DST: variants seen among roughly 807,000 people sequenced by gnomAD.
DST encodes the protein bullous pemphigoid antigen.
A neutral mutation model predicts 875.2 loss-of-function variants in DST; 253 were observed. That is an observed-to-expected ratio of 0.29 (90% CI 0.26 to 0.32). DST has a LOEUF of 0.32. Among genes scored for constraint, DST ranks in the 10% least tolerant of loss-of-function variants. The probability of loss-of-function intolerance (pLI) is 1.00; values close to 1 mark genes in which losing one functional copy is unlikely to be tolerated. For synonymous variants in DST, 3,124 were observed against 3,197.1 expected, an observed-to-expected ratio of 0.98 and a Z score of 0.77; for missense variants, 8,287 against 9,111.6, an observed-to-expected ratio of 0.91 and a Z score of 3.68.
At chr6:56,620,716 C>A in intron 36 of DST, 1 of 1,612,248 alleles carries the variant, frequency 6.2e-7, no homozygotes, top group Non-Finnish European at 8.5e-7. Context: ...ACCTTTTAAT[C>A]TACAAAAGAC....
At chr6:56,803,106 C>CA (rs1356541997) in intron 4 of DST, among the ~76,000 whole-genome samples, 1 of 152,134 alleles carries the variant, frequency 6.6e-6, no homozygotes, top group African/African-American at 2.4e-5. Flanking sequence ...TTGATTCTCA[C>CA]AAAAATCAGG....
At chr6:56,803,321 T>G (rs1161268136) in intron 4 of DST, among the ~76,000 whole-genome samples, 1 of 152,372 alleles carries the variant, frequency 6.6e-6, no homozygotes, top group South Asian at 2.1e-4. Context: ...GCAATCTTAC[T>G]TGGTAACTTT....
At chr6:56,704,507 CT>C in intron 5 of DST, 138 bp from the exon 6 acceptor site, 1 of 516,106 alleles carries the variant, frequency 1.9e-6, no homozygotes, top group South Asian at 3.0e-5. Context: ...TTTTAAAATG[CT>C]TATTACTTAA....
At chr6:56,618,844 C>G in intron 36 of DST, 1 of 1,614,126 alleles carries the variant, frequency 6.2e-7, no homozygotes, top group Non-Finnish European at 8.5e-7. Flanking sequence ...GGGTCATCTG[C>G]TCCTCTATGG....
At chr6:56,921,373 G>T (rs1277592435) in intron 2 of DST, among the ~76,000 whole-genome samples, 1 of 152,122 alleles carries the variant, frequency 6.6e-6, no homozygotes, top group Non-Finnish European at 1.5e-5. Context: ...AAGAAAATCA[G>T]TTGACATCAA....
intron 36 of DST, among the ~76,000 whole-genome samples, chr6:56,623,591 C>T (rs2098708933): frequency 6.6e-6 from 1 of 152,178 alleles, no homozygotes; most frequent in Non-Finnish European, 1.5e-5. Context: ...GAGAAAGTAA[C>T]ATCCAATAGA....
At chr6:56,940,633 G>A (rs1816055887) in intron 2 of DST, among the ~76,000 whole-genome samples, 1 of 151,760 alleles carries the variant, frequency 6.6e-6, no homozygotes, top group South Asian at 2.1e-4. Flanking sequence ...AGGGCGGAGT[G>A]CAGTGGCGCA....
At chr6:56,654,754 A>G (rs549351314) in intron 10 of DST, among the ~76,000 whole-genome samples, 1 of 152,228 alleles carries the variant, frequency 6.6e-6, no homozygotes, top group East Asian at 1.9e-4. Context: ...TTTTTTTGGC[A>G]TAGATACCTC....
intron 3 of DST, among the ~76,000 whole-genome samples, chr6:56,883,067 C>T (rs1326040707): frequency 6.6e-6 from 1 of 152,156 alleles, no homozygotes; most frequent in Non-Finnish European, 1.5e-5. Context: ...GGGGTTTCAC[C>T]ATGTTGGCCA....
In DST at chr6:56,536,924, T is replaced by C. The variant is rs761596011; in HGVS notation, c.16625A>G (p.Glu5542Gly). Residue 5542 changes from glutamate to glycine, a missense_variant, in exon 62 of 104, where the codon GAG becomes GGG. This residue lies in a region of DST where 777 missense variants were observed against 764.8 expected (regional missense o/e 1.02). Transcript: ENST00000680361. Reference protein sequence around the residue: ...LNMFKVFQKEEIEPLQGKQQD... With the variant: ...LNMFKVFQKEGIEPLQGKQQD... ...CTGTTTACCTTGCAAGGGTTCAATCTCTTCTTTCTGGAATACCTGCAGTTA... is the reference window on the plus strand; with the variant it reads ...CTGTTTACCTTGCAAGGGTTCAATCCCTTCTTTCTGGAATACCTGCAGTTA... 1 of 1,613,796 alleles carries C rather than the reference T, an allele frequency of 6.2e-7. No individual in the cohort carries two copies. Among genetic ancestry groups the C allele is most frequent in the Admixed American group, 1.7e-5 (1 of 60,000 alleles).
At chr6:56,720,702 A>T (rs1266776948) in intron 5 of DST, among the ~76,000 whole-genome samples, 2 of 152,224 alleles carry the variant, frequency 1.3e-5, no homozygotes, top group Non-Finnish European at 2.9e-5. Context: ...ATCCCAAGGC[A>T]GAAGAATTTT....
At chr6:56,918,620 C>T (rs1236418329) in intron 2 of DST, among the ~76,000 whole-genome samples, 1 of 152,086 alleles carries the variant, frequency 6.6e-6, no homozygotes, top group African/African-American at 2.4e-5. Flanking sequence ...CTACAGGTAC[C>T]AACTTTGTCT....
At chr6:56,615,354 T>G in intron 36 of DST, 1 of 1,475,136 alleles carries the variant, frequency 6.8e-7, no homozygotes, top group South Asian at 1.4e-5. Flanking sequence ...ATTTTCAATT[T>G]AAAACTTACT....
Position 56,578,928 on chromosome 6 carries a change from C to T in DST, c.12913G>A (p.Gly4305Arg). Reference protein sequence around the residue: ...RQLEETKALQGQISSQQVAVE... With the variant: ...RQLEETKALQRQISSQQVAVE... ...GCAACCTGCTGACTTGATATCTGTCCTTGCAAAGCCTGTAGGATTAAACGC... is the reference window on the plus strand; with the variant it reads ...GCAACCTGCTGACTTGATATCTGTCTTTGCAAAGCCTGTAGGATTAAACGC... Residue 4305 changes from glycine to arginine, a missense_variant, in exon 50 of 104, where the codon GGA becomes AGA. Around this residue, in one of 10 missense-constraint regions of DST, gnomAD observed 1,513 missense variants for 1,677.8 expected, o/e 0.90. Transcript: ENST00000680361. The T allele has an allele frequency of 2.5e-6, 4 of 1,594,156 alleles. No individual in the cohort carries two copies. The highest frequency in any genetic ancestry group is 3.4e-6 in the Non-Finnish European group (4 of 1,169,244).
In DST at chr6:56,618,878, A is replaced by G. The variant is rs756979635; in HGVS notation, c.4930-4394T>C. 3.1e-6 allele frequency: 5 copies of G among 1,614,050 alleles called. No individual in the cohort carries two copies. Among genetic ancestry groups the G allele is most frequent in the Non-Finnish European group, 4.2e-6 (5 of 1,180,024 alleles). On this transcript the variant is annotated intron_variant, in intron 36 of 103. Transcript: ENST00000680361. ...GGTCTTTAAGTGTAATTCGTCTTGT[A>G]CTTTTTTCAACCTGTTATTTAACTC...
intron 36 of DST, chr6:56,615,893 G>C (rs769711381): frequency 1.2e-6 from 2 of 1,614,180 alleles, no homozygotes; most frequent in Non-Finnish European, 1.7e-6. Context: ...GCCAATCCCT[G>C]TGATTACTAA....
In DST at chr6:56,757,995, C is replaced by G. The variant is rs140569182; in HGVS notation, c.626-22706G>C. On this transcript the variant is annotated intron_variant, in intron 4 of 103. Coordinates refer to ENST00000680361, the MANE Select transcript of DST (RefSeq NM_001374736.1). ...ACAATGCTTTCCAACAAACCTACTA[C>G]TAAGAGCTCTTTGAAATGGAAAATT... 4.6e-5 allele frequency among the ~76,000 whole-genome samples: 7 copies of G among 152,348 alleles called. No individual in the cohort carries two copies. The East Asian group carries it at 1.3e-3, about 29-fold the overall frequency.
At chr6:56,941,170 T>C (rs1442401298) in intron 2 of DST, among the ~76,000 whole-genome samples, 3 of 152,202 alleles carry the variant, frequency 2.0e-5, no homozygotes, top group South Asian at 4.1e-4. Flanking sequence ...TTTTCTAAGA[T>C]AAGCAGTTAA....
chr6:56,780,968 T>C (rs1269565524), intron 4 of DST, among the ~76,000 whole-genome samples: 1 of 152,226 alleles, frequency 6.6e-6, no homozygotes, highest in Non-Finnish European at 1.5e-5. Flanking sequence ...CCCAGCACCA[T>C]TTATTAAATA....
Sources: allele counts gnomAD v4.1 joint callset (sites outside exome capture counted in the v4.1 genomes callset), GRCh38; gene constraint gnomAD v4.1.1; regional missense constraint gnomAD v4.1.1; transcripts MANE v1.5; gene names NCBI Gene and HGNC (gene_info 2026-07-23, HGNC 2026-07-21).